IRX1: variants seen among roughly 807,000 people sequenced by gnomAD.
The protein encoded by IRX1 is iroquois homeobox 1.
A neutral mutation model predicts 34.1 loss-of-function variants in IRX1; 22 were observed. That is an observed-to-expected ratio of 0.64 (90% confidence interval 0.46 to 0.92). IRX1 has a LOEUF of 0.92. Ranked by LOEUF, IRX1 falls within the 40% of genes least tolerant of loss-of-function variation. The pLI, the probability that IRX1 is intolerant of heterozygous loss-of-function variation, is 0.00. For missense variants in IRX1, 758 were observed against 680.0 expected (o/e 1.11, Z -1.28); for synonymous variants, 363 against 319.0 (o/e 1.14, Z -1.47).
chr5:3,597,108 C>T (rs1743714245), intron 1 of IRX1, among the ~76,000 whole-genome samples: 2 of 152,204 alleles, frequency 1.3e-5, no homozygotes, highest in African/African-American at 4.8e-5. Context: ...AAGCACTTTT[C>T]TTCCTGCGTT....
In IRX1 at chr5:3,599,550, A is replaced by G; in HGVS notation, c.602A>G (p.Glu201Gly). The G allele has an allele frequency of 6.2e-7, 1 of 1,614,152 alleles. No individual in the cohort carries two copies. Among genetic ancestry groups the G allele is most frequent in the South Asian group, 1.1e-5 (1 of 91,078 alleles). The change falls in exon 2 of 4, where the codon GAA becomes GGA. Residue 201 changes from glutamate (E) to glycine (G), a missense_variant. Transcript: ENST00000302006. This position sits in a 1 kb window ranked among gnomAD's most constrained non-coding sequence, Gnocchi z 6.6. ...VTWGARSKDQ[E>G]DGALFGSDTE... is the part of the protein sequence containing the mutation. ...TGGGGAGCGCGCAGCAAGGACCAGG[A>G]AGATGGAGCGCTCTTCGGCAGCGAC...
rs753639527 is a variant in IRX1 at position 3,596,316 on chromosome 5, G to A, written c.211G>A (p.Ala71Thr). Residue 71 changes from alanine (A) to threonine (T), a missense_variant, in exon 1 of 4, where the codon GCG (alanine) becomes ACG (threonine). Physicochemically the swap from Ala to Thr is moderately conservative, Grantham distance 58. Around this residue, in one of 3 missense-constraint regions of IRX1, gnomAD observed 195 missense variants for 195.0 expected, o/e 1.00. Coordinates refer to ENST00000302006, the MANE Select transcript of IRX1 (RefSeq NM_024337.4). ...LGMYAAAGPY[A>T]GAPNYSAFLP... ...CATGTACGCGGCGGCGGGGCCGTAC[G>A]CGGGCGCGCCCAACTACAGCGCCTT... 25 of 1,492,234 alleles carry A rather than the reference G, an allele frequency of 1.7e-5. No individual in the cohort carries two copies. The highest frequency in any genetic ancestry group is 2.9e-5 in the African/African-American group (2 of 69,400). 92.4% of individuals were successfully genotyped at this position (1,492,234 alleles called of 1,614,324 possible). A position where few individuals can be genotyped will look rare whatever the true frequency, so the allele number is the denominator to read the frequency against.
chr5:3,600,823 G>T lies in IRX1; in HGVS notation c.1385+142G>T, dbSNP rs548833980. On this transcript the variant is annotated intron_variant, in intron 3 of 3. Coordinates refer to ENST00000302006, the MANE Select transcript of IRX1 (RefSeq NM_024337.4). Reference sequence around the variant, plus strand: ...GGAGCGCTCCCCGCCAGCCCTGGGCGCCGGGCGAGCCGAGGAGACTGGAGT... The same window carrying T: ...GGAGCGCTCCCCGCCAGCCCTGGGCTCCGGGCGAGCCGAGGAGACTGGAGT... 1.9e-5 allele frequency: 22 copies of T among 1,129,532 alleles called. No individual in the cohort carries two copies. The South Asian group carries it at 2.5e-4, about 13-fold the overall frequency. 70.0% of individuals were successfully genotyped at this position (1,129,532 alleles called of 1,614,324 possible). A position where few individuals can be genotyped will look rare whatever the true frequency, so the allele number is the denominator to read the frequency against.
chr5:3,595,853 G>A lies in IRX1; in HGVS notation c.-253G>A, dbSNP rs1444456280. Among the ~76,000 whole-genome samples, 1 of 150,964 alleles carries A rather than the reference G, an allele frequency of 6.6e-6. No individual in the cohort carries two copies. The highest frequency in any genetic ancestry group is 1.5e-5 in the Non-Finnish European group (1 of 67,548). On this transcript the variant is annotated 5_prime_UTR_variant, in exon 1 of 4. Coordinates refer to ENST00000302006, the MANE Select transcript of IRX1 (RefSeq NM_024337.4). ...AATTGTGTCTGAAAGCCCCGCCGCC[G>A]AGCGGAGGGCGGCCGCCGCAGTCGG... is the stretch of plus-strand genomic sequence containing the variant.
chr5:3,596,451 C>T (rs558235213), intron 1 of IRX1, 70 bp downstream of exon 1: 302 of 1,346,750 alleles, frequency 2.2e-4, no homozygotes, highest in Middle Eastern at 2.8e-4. Flanking sequence ...GCGGGTCGCC[C>T]GGGAGGGAGA....
Position 3,600,585 on chromosome 5 carries a change from T to G in IRX1, c.1313-24T>G, listed in dbSNP as rs767990058. ...CTCCCGCCCGTCTCTCCGTCCTAAC[T>G]CTGCCTCTTCCGATCTCTCGCAGAG... On this transcript the variant is annotated intron_variant, in intron 2 of 3. Coordinates refer to ENST00000302006, the MANE Select transcript of IRX1 (RefSeq NM_024337.4). 5 of 1,605,204 alleles carry G rather than the reference T, an allele frequency of 3.1e-6. No individual in the cohort carries two copies. The South Asian group carries it at 5.5e-5, about 18-fold the overall frequency.
At chr5:3,598,643 A>C (rs1349375491) in intron 1 of IRX1, among the ~76,000 whole-genome samples, 1 of 152,232 alleles carries the variant, frequency 6.6e-6, no homozygotes, top group Non-Finnish European at 1.5e-5. Context: ...TTTGGAAGGC[A>C]AAGGACTGTG....
chr5:3,599,984 C>T lies in IRX1; in HGVS notation c.1036C>T (p.Pro346Ser). The T allele has an allele frequency of 2.0e-6, 3 of 1,514,490 alleles. No homozygotes were observed. Among genetic ancestry groups the T allele is most frequent in the South Asian group, 1.3e-5 (1 of 79,174 alleles). 93.8% of individuals were successfully genotyped at this position (1,514,490 alleles called of 1,614,324 possible). Residue 346 changes from proline to serine, a missense_variant, in exon 2 of 4, where the codon CCC (proline) becomes TCC (serine). Coordinates refer to ENST00000302006, the MANE Select transcript of IRX1 (RefSeq NM_024337.4). The surrounding 1 kb of genome is among the most constrained non-coding windows in gnomAD (Gnocchi z 6.6). Reference sequence around the variant, plus strand: ...CGCGGGCCACCCCGGCGCGCACGGGCCCTCCGCCGGGGCGCCGCTGCAACA... The same window carrying T: ...CGCGGGCCACCCCGGCGCGCACGGGTCCTCCGCCGGGGCGCCGCTGCAACA... ...PPAGHPGAHG[P>S]SAGAPLQHPA...
Position 3,596,352 on chromosome 5 carries a change from G to A in IRX1, c.247G>A (p.Ala83Thr), listed in dbSNP as rs1743695327. The A allele has an allele frequency of 1.3e-6, 2 of 1,538,892 alleles. No homozygotes were observed. The highest frequency in any genetic ancestry group is 2.0e-5 in the Admixed American group (1 of 51,168). ...APNYSAFLPYAADLSLFSQMG... is the reference protein window; with the variant it reads ...APNYSAFLPYTADLSLFSQMG... ...CAACTACAGCGCCTTCCTGCCCTAC[G>A]CCGCGGATCTCAGCCTCTTCTCGCA... Residue 83 changes from alanine (A) to threonine (T), a missense_variant, in exon 1 of 4, where the codon GCC becomes ACC. Coordinates refer to ENST00000302006, the MANE Select transcript of IRX1 (RefSeq NM_024337.4).
chr5:3,601,169 C>T lies in IRX1; in HGVS notation c.*129C>T. The T allele has an allele frequency of 6.8e-6, 6 of 877,070 alleles. No individual in the cohort carries two copies. The highest frequency in any genetic ancestry group is 2.1e-5 in the Admixed American group (1 of 47,886). 54.3% of individuals were successfully genotyped at this position (877,070 alleles called of 1,614,324 possible). A position where few individuals can be genotyped will look rare whatever the true frequency, so the allele number is the denominator to read the frequency against. ...AAATATGACAACGACGTCAAGGACTCGCATCCGTCGCTTTCTGCAGAAAGG... is the reference window on the plus strand; with the variant it reads ...AAATATGACAACGACGTCAAGGACTTGCATCCGTCGCTTTCTGCAGAAAGG... On this transcript the variant is annotated 3_prime_UTR_variant, in exon 4 of 4. Transcript: ENST00000302006.
intron 2 of IRX1, 74 bp from the exon 3 acceptor site, chr5:3,600,535 T>C: frequency 1.5e-6 from 2 of 1,358,908 alleles, no homozygotes; most frequent in Non-Finnish European, 1.0e-6. Flanking sequence ...CCGGCAGAAG[T>C]TGGTGGGAAG....
intron 1 of IRX1, 100 bp downstream of exon 1, chr5:3,596,481 C>T: frequency 8.4e-7 from 1 of 1,196,560 alleles, no homozygotes; most frequent in Non-Finnish European, 1.1e-6. Flanking sequence ...TGGACCTGGT[C>T]CGGAAGAGGA....
chr5:3,601,064 C>T lies in IRX1; in HGVS notation c.*24C>T, dbSNP rs770077373. 7 of 984,544 alleles carry T rather than the reference C, an allele frequency of 7.1e-6. No individual in the cohort carries two copies. Among genetic ancestry groups the T allele is most frequent in the African/African-American group, 5.7e-5 (3 of 52,758 alleles). The allele number at this position is 984,544 out of a possible 1,614,324, so 61.0% of individuals were successfully genotyped here. ...GATTAAGGGTCTTCTTTTACTTTTG[C>T]GGGGGGGAGGGGGGAGGAGTTGGGG... On this transcript the variant is annotated 3_prime_UTR_variant, in exon 4 of 4. Coordinates refer to ENST00000302006, the MANE Select transcript of IRX1 (RefSeq NM_024337.4).
rs1243008006 is a variant in IRX1 at position 3,599,965 on chromosome 5, C to G, written c.1017C>G (p.Gly339=). Residue 339 remains glycine (G), a synonymous_variant, in exon 2 of 4, where the codon GGC becomes GGG. Transcript: ENST00000302006. This position sits in a 1 kb window ranked among gnomAD's most constrained non-coding sequence, Gnocchi z 6.6. The part of the protein sequence containing the change: ...APKASPPPPA[G]HPGAHGPSAG... ...AGGCTTCGCCACCACCACCCGCGGGCCACCCCGGCGCGCACGGGCCCTCCG... is the reference window on the plus strand; with the variant it reads ...AGGCTTCGCCACCACCACCCGCGGGGCACCCCGGCGCGCACGGGCCCTCCG... 4.7e-5 allele frequency: 71 copies of G among 1,504,446 alleles called. No individual in the cohort carries two copies. The highest frequency in any genetic ancestry group is 8.8e-5 in the Admixed American group (4 of 45,616). 93.2% of individuals were successfully genotyped at this position (1,504,446 alleles called of 1,614,324 possible).
chr5:3,599,221 T>C lies in IRX1; in HGVS notation c.277-4T>C. The C allele has an allele frequency of 6.2e-7, 1 of 1,610,244 alleles. No homozygotes were observed. On this transcript the variant is annotated splice_region_variant and splice_polypyrimidine_tract_variant and intron_variant, in intron 1 of 3. Coordinates refer to ENST00000302006, the MANE Select transcript of IRX1 (RefSeq NM_024337.4). This position sits in a 1 kb window ranked among gnomAD's most constrained non-coding sequence, Gnocchi z 6.6. ...TCCTCGATGGATCTGCCCTGTGGCT[T>C]CAGGGCTCGCAGTATGAACTGAAGG...
chr5:3,599,920 G>T lies in IRX1; in HGVS notation c.972G>T (p.Thr324=). 6.8e-7 allele frequency: 1 copy of T among 1,479,190 alleles called. No homozygotes were observed. Among genetic ancestry groups the T allele is most frequent in the South Asian group, 1.4e-5 (1 of 73,506 alleles). The allele number at this position is 1,479,190 out of a possible 1,614,324, so 91.6% of individuals were successfully genotyped here. The part of the protein sequence containing the change: ...PKIWSLAETA[T]SPDGAPKASP... ...TCTGGTCGCTGGCGGAGACAGCCAC[G>T]AGCCCCGACGGTGCGCCCAAGGCTT... Residue 324 remains threonine, a synonymous_variant, in exon 2 of 4, where the codon ACG becomes ACT. Coordinates refer to ENST00000302006, the MANE Select transcript of IRX1 (RefSeq NM_024337.4). The surrounding 1 kb of genome is among the most constrained non-coding windows in gnomAD (Gnocchi z 6.6).
Position 3,601,150 on chromosome 5 carries a change from G to A in IRX1, c.*110G>A. The A allele has an allele frequency of 2.0e-6, 2 of 1,019,404 alleles. No homozygotes were observed. The highest frequency in any genetic ancestry group is 3.0e-6 in the Non-Finnish European group (2 of 666,258). The allele number at this position is 1,019,404 out of a possible 1,614,324, so 63.1% of individuals were successfully genotyped here. ...TCAGACTGGTGTAAAGGACAAATAT[G>A]ACAACGACGTCAAGGACTCGCATCC... On this transcript the variant is annotated 3_prime_UTR_variant, in exon 4 of 4. Coordinates refer to ENST00000302006, the MANE Select transcript of IRX1 (RefSeq NM_024337.4).
At chr5:3,598,465 G>A (rs1733850572) in intron 1 of IRX1, among the ~76,000 whole-genome samples, 1 of 152,100 alleles carries the variant, frequency 6.6e-6, no homozygotes, top group South Asian at 2.1e-4. Flanking sequence ...GGCCGCCGGT[G>A]GCTCCCAGCC....
In IRX1 at chr5:3,596,177, C is replaced by A. The variant is rs749097872; in HGVS notation, c.72C>A (p.Arg24=). 2,202 of 1,027,258 alleles carry A rather than the reference C, an allele frequency of 2.1e-3. 11 individuals are homozygous for A. The highest frequency in any genetic ancestry group is 2.3e-3 in the Non-Finnish European group (1,972 of 859,408). 63.6% of individuals were successfully genotyped at this position (1,027,258 alleles called of 1,614,324 possible). The part of the protein sequence containing the change: ...AAGPGAYGGE[R]PGVLAAAAAA... ...GGCCGGGCGCCTACGGCGGCGAGCG[C>A]CCGGGGGTGCTGGCCGCGGCCGCTG... The change falls in exon 1 of 4, where the codon CGC becomes CGA. Residue 24 remains arginine, a synonymous_variant. Coordinates refer to ENST00000302006, the MANE Select transcript of IRX1 (RefSeq NM_024337.4).
Sources: allele counts gnomAD v4.1 joint callset (sites outside exome capture counted in the v4.1 genomes callset), GRCh38; gene constraint gnomAD v4.1.1; regional missense constraint gnomAD v4.1.1; non-coding constraint Gnocchi (gnomAD v3.1); transcripts MANE v1.5; gene names NCBI Gene and HGNC (gene_info 2026-07-23, HGNC 2026-07-21).